The following ZMAT4 variants were observed in gnomAD, a reference collection of about 807,000 sequenced individuals.
The protein encoded by ZMAT4 is zinc finger matrin-type 4, also known as zinc finger matrin-type protein 4.
In ZMAT4, 17 loss-of-function variants were observed where a neutral mutation model predicts 28.7. The observed-to-expected ratio is 0.59, with a 90% CI of 0.41 to 0.89. ZMAT4 has a LOEUF of 0.89. Ranked by LOEUF, ZMAT4 falls within the 40% of genes least tolerant of loss-of-function variation. The pLI is 0.00. For synonymous variants in ZMAT4, 117 were observed against 109.2 expected (o/e 1.07, Z -0.44); for missense variants, 240 against 283.8 (o/e 0.85, Z 1.11).
chr8:40,890,240 C>T (rs1179812959), intron 1 of ZMAT4, among the ~76,000 whole-genome samples: 2 of 152,198 alleles, frequency 1.3e-5, no homozygotes, highest in Non-Finnish European at 2.9e-5. Context: ...TCCCATTCCC[C>T]ACGTCTCACG....
intron 5 of ZMAT4, among the ~76,000 whole-genome samples, chr8:40,605,162 C>A (rs1047899456): frequency 6.6e-6 from 1 of 151,984 alleles, no homozygotes; most frequent in South Asian, 2.1e-4. Context: ...TATTGTTTTC[C>A]GTTTGTTTCA....
intron 5 of ZMAT4, among the ~76,000 whole-genome samples, chr8:40,648,836 T>C (rs1165968740): frequency 3.6e-4 from 44 of 123,462 alleles, no homozygotes; most frequent in Admixed American, 4.2e-4. Flanking sequence ...GCTTCATAAG[T>C]GAAGGAGAAA....
intron 5 of ZMAT4, among the ~76,000 whole-genome samples, chr8:40,589,279 C>T (rs1804773079): frequency 6.6e-6 from 1 of 152,172 alleles, no homozygotes; most frequent in Non-Finnish European, 1.5e-5. Flanking sequence ...AACCATCTAG[C>T]TAGTGGGAGA....
chr8:40,774,630 A>C (rs1416406928), intron 2 of ZMAT4, among the ~76,000 whole-genome samples: 3 of 151,800 alleles, frequency 2.0e-5, no homozygotes, highest in African/African-American at 7.2e-5. Context: ...TATCCATATA[A>C]TAGATACCAA....
intron 6 of ZMAT4, among the ~76,000 whole-genome samples, chr8:40,535,339 C>T (rs1802812469): frequency 6.6e-6 from 1 of 152,124 alleles, no homozygotes; most frequent in Non-Finnish European, 1.5e-5. Flanking sequence ...GGTTTTGAGA[C>T]AGAAATCTTA....
At chr8:40,759,231 G>A (rs1218671161) in intron 3 of ZMAT4, among the ~76,000 whole-genome samples, 1 of 147,798 alleles carries the variant, frequency 6.8e-6, no homozygotes, top group Non-Finnish European at 1.5e-5. Flanking sequence ...GCAGTGAGCC[G>A]AGGCTGGGCC....
intron 2 of ZMAT4, among the ~76,000 whole-genome samples, chr8:40,819,775 C>G (rs549563681): frequency 6.6e-6 from 1 of 152,078 alleles, no homozygotes; most frequent in African/African-American, 2.4e-5. Flanking sequence ...TCTTCCCGCT[C>G]TCTTAGGTCT....
At chr8:40,618,369 C>T (rs554527674) in intron 5 of ZMAT4, among the ~76,000 whole-genome samples, 14 of 152,252 alleles carry the variant, frequency 9.2e-5, no homozygotes, top group African/African-American at 3.4e-4. Flanking sequence ...TGCTCACAAA[C>T]AATTCTGTCA....
At chr8:40,886,832 A>G (rs1233387520) in intron 1 of ZMAT4, among the ~76,000 whole-genome samples, 1 of 151,962 alleles carries the variant, frequency 6.6e-6, no homozygotes, top group Non-Finnish European at 1.5e-5. Context: ...TGCTACATGA[A>G]TGGTAACTGC....
chr8:40,624,552 G>C (rs1806305051), intron 5 of ZMAT4, among the ~76,000 whole-genome samples: 2 of 152,174 alleles, frequency 1.3e-5, no homozygotes, highest in African/African-American at 2.4e-5. Flanking sequence ...TGTTGCTCCA[G>C]CCTATAGTGT....
chr8:40,694,305 C>G (rs1391191169), intron 4 of ZMAT4, among the ~76,000 whole-genome samples: 1 of 152,202 alleles, frequency 6.6e-6, no homozygotes, highest in Non-Finnish European at 1.5e-5. Flanking sequence ...GCCTCCTGGT[C>G]TTTCTCCTGT....
intron 5 of ZMAT4, among the ~76,000 whole-genome samples, chr8:40,669,048 A>G (rs1808562511): frequency 6.6e-6 from 1 of 152,136 alleles, no homozygotes; most frequent in African/African-American, 2.4e-5. Context: ...TACTCTATGG[A>G]CAGGACTGTG....
chr8:40,850,552 T>C (rs975473958), intron 1 of ZMAT4, among the ~76,000 whole-genome samples: 1 of 152,200 alleles, frequency 6.6e-6, no homozygotes, highest in Non-Finnish European at 1.5e-5. Flanking sequence ...ATCTCTTCTA[T>C]CTTATGGATA....
intron 1 of ZMAT4, among the ~76,000 whole-genome samples, chr8:40,863,078 G>C (rs1414441569): frequency 6.6e-6 from 1 of 152,184 alleles, no homozygotes; most frequent in Admixed American, 6.5e-5. Flanking sequence ...GTGAAGCAGA[G>C]GTCATCTGAG....
At chr8:40,787,964 T>C (rs1814156113) in intron 2 of ZMAT4, among the ~76,000 whole-genome samples, 1 of 151,970 alleles carries the variant, frequency 6.6e-6, no homozygotes, top group South Asian at 2.1e-4. Context: ...TATAAATTAA[T>C]CCTCATGAAA....
intron 1 of ZMAT4, among the ~76,000 whole-genome samples, chr8:40,833,515 C>A (rs1262692061): frequency 2.2e-5 from 3 of 136,910 alleles, no homozygotes; most frequent in Non-Finnish European, 3.1e-5. Context: ...TTGCAGTGAA[C>A]CGAGATCATA....
chr8:40,565,655 T>C (rs1381001047), intron 6 of ZMAT4, among the ~76,000 whole-genome samples: 1 of 151,836 alleles, frequency 6.6e-6, no homozygotes, highest in East Asian at 1.9e-4. Flanking sequence ...TGGGATTACA[T>C]GTGTGAACCA....
chr8:40,836,128 C>T (rs954865798), intron 1 of ZMAT4, among the ~76,000 whole-genome samples: 4 of 152,150 alleles, frequency 2.6e-5, no homozygotes, highest in African/African-American at 9.7e-5. Flanking sequence ...TCTTGTGACA[C>T]CCCCTACTTT....
At chr8:40,609,946 C>CCT (rs1424037965) in intron 5 of ZMAT4, among the ~76,000 whole-genome samples, 4 of 152,152 alleles carry the variant, frequency 2.6e-5, no homozygotes, top group African/African-American at 9.7e-5. Context: ...AGGTCTCAGC[C>CCT]CTTTATTCTG....
Sources: gnomAD v4.1 joint callset for allele counts (sites outside exome capture counted in the v4.1 genomes callset) on GRCh38, gnomAD v4.1.1 for gene constraint, MANE v1.5 for transcripts, NCBI Gene and HGNC (gene_info 2026-07-23, HGNC 2026-07-21) for gene names.